DTNBP1: variants seen among roughly 807,000 people sequenced by gnomAD.
DTNBP1 encodes dysbindin.
Under a neutral mutation model 42.8 loss-of-function variants are expected in DTNBP1, and 35 were observed. The observed-to-expected ratio is 0.82, with a 90% confidence interval of 0.63 to 1.09. The LOEUF is 1.09. Ranked by LOEUF, DTNBP1 falls within the 50% of genes least tolerant of loss-of-function variation. The pLI is 0.00. For missense variants in DTNBP1, 457 were observed against 424.2 expected, an observed-to-expected ratio of 1.08 and a Z score of -0.68; for synonymous variants, 171 against 162.2, an observed-to-expected ratio of 1.05 and a Z score of -0.41.
intron 3 of DTNBP1, among the ~76,000 whole-genome samples, chr6:15,648,193 T>C (rs1760790275): frequency 1.3e-5 from 2 of 151,976 alleles, no homozygotes; most frequent in South Asian, 2.1e-4. Flanking sequence ...GAAAAGTTAT[T>C]TGACAAAATT....
intron 7 of DTNBP1, among the ~76,000 whole-genome samples, chr6:15,542,659 C>T (rs761721618): frequency 6.6e-6 from 1 of 151,932 alleles, no homozygotes; most frequent in Non-Finnish European, 1.5e-5. Flanking sequence ...TGTGAGCCAT[C>T]GCACCTGGCC....
chr6:15,654,702 G>A (rs1761187745), intron 1 of DTNBP1, among the ~76,000 whole-genome samples: 1 of 152,066 alleles, frequency 6.6e-6, no homozygotes, highest in Admixed American at 6.6e-5. Flanking sequence ...AAGTAAAATT[G>A]TTGGAAGATT....
rs549831897 is a variant in DTNBP1 at position 15,532,859 on chromosome 6, C to T, written c.667+381G>A. Among the ~76,000 whole-genome samples, 7 of 151,808 alleles carry T rather than the reference C, an allele frequency of 4.6e-5. No individual in the cohort carries two copies. The East Asian group carries it at 1.4e-3, about 30-fold the overall frequency. On this transcript the variant is annotated intron_variant, in intron 8 of 9. Coordinates refer to ENST00000344537, the MANE Select transcript of DTNBP1 (RefSeq NM_032122.5). Reference sequence around the variant, plus strand: ...GGATTAGAGACACGCGCCACCACGGCCGGCTAATTTTTGTATTTTAGTAGA... The same window carrying T: ...GGATTAGAGACACGCGCCACCACGGTCGGCTAATTTTTGTATTTTAGTAGA...
chr6:15,550,167 T>C (rs1314950705), intron 7 of DTNBP1, among the ~76,000 whole-genome samples: 1 of 152,160 alleles, frequency 6.6e-6, no homozygotes, highest in Non-Finnish European at 1.5e-5. Flanking sequence ...GGATTTTGAA[T>C]GTCACTGAAG....
intron 3 of DTNBP1, among the ~76,000 whole-genome samples, chr6:15,638,761 A>G (rs56259283): frequency 0.039 from 5,864 of 152,292 alleles, 286 homozygotes; most frequent in East Asian, 0.25. Flanking sequence ...TTACCAAAAA[A>G]GTACTAACTT....
At chr6:15,527,977 G>A (rs1284906408) in intron 8 of DTNBP1, among the ~76,000 whole-genome samples, 1 of 152,128 alleles carries the variant, frequency 6.6e-6, no homozygotes, top group East Asian at 1.9e-4. Context: ...TAACAGCATT[G>A]GAGGCAAGTT....
Position 15,662,927 on chromosome 6 carries a change from C to G in DTNBP1, c.-58G>C, listed in dbSNP as rs1412191992. ...TCGGGCTGCTGCTGCCTCTGTCGCCCCCTGGGTCCCACGCCGCCAACCCCG... is the reference window on the plus strand; with the variant it reads ...TCGGGCTGCTGCTGCCTCTGTCGCCGCCTGGGTCCCACGCCGCCAACCCCG... On this transcript the variant is annotated 5_prime_UTR_variant, in exon 1 of 10. Coordinates refer to ENST00000344537, the MANE Select transcript of DTNBP1 (RefSeq NM_032122.5). The G allele has an allele frequency of 6.3e-7, 1 of 1,596,866 alleles. No homozygotes were observed. The highest frequency in any genetic ancestry group is 1.3e-5 in the African/African-American group (1 of 74,678).
chr6:15,622,566 A>G (rs531929257), intron 5 of DTNBP1, among the ~76,000 whole-genome samples: 33 of 152,362 alleles, frequency 2.2e-4, no homozygotes, highest in African/African-American at 7.5e-4. Flanking sequence ...TAACCAACTT[A>G]GGATGCATAT....
Position 15,559,493 on chromosome 6 carries a change from C to A in DTNBP1, c.512-26098G>T, listed in dbSNP as rs190596638. Among the ~76,000 whole-genome samples, 4 of 152,306 alleles carry A rather than the reference C, an allele frequency of 2.6e-5. No individual in the cohort carries two copies. In the South Asian group the frequency reaches 8.3e-4, roughly 32 times the overall value. ...ATGCAACAACCGGTGACAACCAGTT[C>A]ATTGGCTAGACTGAGAAGAAGCTTC... On this transcript the variant is annotated intron_variant, in intron 7 of 9. Transcript: ENST00000344537.
chr6:15,620,426 G>C (rs77011324), intron 5 of DTNBP1, among the ~76,000 whole-genome samples: 8,903 of 152,104 alleles, frequency 0.059, 406 homozygotes, highest in African/African-American at 0.12. Context: ...GGGCTTGAGC[G>C]ATCTTCCTGC....
In DTNBP1 at chr6:15,636,457, T is replaced by G. The variant is rs191451716; in HGVS notation, c.222+1287A>C. ...TGAGCCACCGTGCCCAGCCAACTCT[T>G]TCATTTCTTAACTTAGAGGTTCTTT... On this transcript the variant is annotated intron_variant, in intron 4 of 9. Coordinates refer to ENST00000344537, the MANE Select transcript of DTNBP1 (RefSeq NM_032122.5). 3.0e-3 allele frequency among the ~76,000 whole-genome samples: 458 copies of G among 152,228 alleles called. 3 individuals carry two copies. The highest frequency in any genetic ancestry group is 0.01 in the African/African-American group (428 of 41,544).
intron 9 of DTNBP1, 124 bp downstream of exon 9, chr6:15,524,402 G>A (rs1444046765): frequency 1.2e-6 from 2 of 1,614,172 alleles, no homozygotes; most frequent in Non-Finnish European, 1.7e-6. Context: ...AGGGAGCCAG[G>A]AGCTGGCTGT....
At chr6:15,582,706 G>A (rs2113582850) in intron 7 of DTNBP1, among the ~76,000 whole-genome samples, 1 of 152,154 alleles carries the variant, frequency 6.6e-6, no homozygotes, top group African/African-American at 2.4e-5. Context: ...TCTTCATGTA[G>A]TAAGTTTCTG....
chr6:15,527,782 C>G lies in DTNBP1; in HGVS notation c.668-3113G>C, dbSNP rs56091724. Among the ~76,000 whole-genome samples the G allele has an allele frequency of 5.7e-3, 873 of 152,240 alleles. 2 individuals carry two copies. Among genetic ancestry groups the G allele is most frequent in the Non-Finnish European group, 9.2e-3 (623 of 68,014 alleles). On this transcript the variant is annotated intron_variant, in intron 8 of 9. Coordinates refer to ENST00000344537, the MANE Select transcript of DTNBP1 (RefSeq NM_032122.5). ...AGGCACATGAACAATTTTAAACATG[C>G]AAAAGCAAGCCTAACCAGGAACACA...
chr6:15,590,102 T>C (rs1190109427), intron 7 of DTNBP1, among the ~76,000 whole-genome samples: 1 of 152,140 alleles, frequency 6.6e-6, no homozygotes, highest in Non-Finnish European at 1.5e-5. Flanking sequence ...TGGGCTAATT[T>C]TTTGTATTTT....
At chr6:15,599,487 C>A (rs1171962565) in intron 6 of DTNBP1, among the ~76,000 whole-genome samples, 1 of 152,150 alleles carries the variant, frequency 6.6e-6, no homozygotes, top group Non-Finnish European at 1.5e-5. Context: ...TTAGCCCTAA[C>A]AGAAAGTTAC....
intron 6 of DTNBP1, among the ~76,000 whole-genome samples, chr6:15,599,847 T>C (rs1487513135): frequency 1.3e-5 from 2 of 152,228 alleles, no homozygotes; most frequent in Admixed American, 1.3e-4. Flanking sequence ...AAAAAATTTA[T>C]ATCACCTTTG....
rs111663624 is a variant in DTNBP1 at position 15,593,364 on chromosome 6, AAC to A, written c.489-285_489-284del. ...ATCTAAACAATAAAACAATTATAAG[AAC>A]ACAGACAGCATTTTAATCCCAGCTA... On this transcript the variant is annotated intron_variant, in intron 6 of 9. Transcript: ENST00000344537. Among the ~76,000 whole-genome samples, 2,432 of 152,344 alleles carry A rather than the reference AAC, an allele frequency of 0.016. 79 individuals are homozygous for A. Among genetic ancestry groups the A allele is most frequent in the African/African-American group, 0.056 (2,308 of 41,572 alleles).
At chr6:15,637,615 C>T in intron 4 of DTNBP1, 129 bp downstream of exon 4, 1 of 986,578 alleles carries the variant, frequency 1.0e-6, no homozygotes, top group Non-Finnish European at 1.6e-6. Flanking sequence ...TAATCAACGA[C>T]TAGATTCAAT....
Sources: gnomAD v4.1 joint callset for allele counts (sites outside exome capture counted in the v4.1 genomes callset) on GRCh38, gnomAD v4.1.1 for gene constraint, MANE v1.5 for transcripts, NCBI Gene and HGNC (gene_info 2026-07-23, HGNC 2026-07-21) for gene names.